Variants in ZNF485 observed in about 807,000 individuals in gnomAD.
The protein encoded by ZNF485 is zinc finger protein 485, also known as Zinc finger protein 93 (Zinc finger protein HTF34).
A neutral mutation model predicts 10.8 loss-of-function variants in ZNF485; 9 were observed. That is an observed-to-expected ratio of 0.83 (90% CI 0.50 to 1.45). The LOEUF (loss-of-function observed/expected upper bound fraction) is 1.45, where lower values mean the gene tolerates loss of function less well. Ranked by LOEUF, ZNF485 falls within the 40% of genes most tolerant of loss-of-function variation. The pLI, the probability that ZNF485 is intolerant of heterozygous loss-of-function variation, is 0.00. For missense variants in ZNF485, 487 were observed against 528.0 expected (o/e 0.92, Z 0.76); for synonymous variants, 187 against 181.0 (o/e 1.03, Z -0.27).
Position 43,616,442 on chromosome 10 carries a change from G to T in ZNF485, c.399G>T (p.Lys133Asn), listed in dbSNP as rs1159853616. 2 of 1,614,146 alleles carry T rather than the reference G, an allele frequency of 1.2e-6. No homozygotes were observed. The highest frequency in any genetic ancestry group is 2.2e-5 in the South Asian group (2 of 91,074). ...CCACAGAGAAGAACTATAAGTGCAA[G>T]GAATGTGGGAAAGTCTTCAAATACA... is the stretch of plus-strand genomic sequence containing the variant. ...RSSTEKNYKC[K>N]ECGKVFKYNS... is the part of the protein sequence containing the mutation. Residue 133 changes from lysine to asparagine, a missense_variant, in exon 5 of 5, where the codon AAG (lysine) becomes AAT (asparagine). Physicochemically the swap from Lys to Asn is moderately conservative, Grantham distance 94. Coordinates refer to ENST00000361807, the MANE Select transcript of ZNF485 (RefSeq NM_145312.4).
intron 3 of ZNF485, 38 bp from the exon 4 acceptor site, chr10:43,609,217 T>G: frequency 6.6e-7 from 1 of 1,520,812 alleles, no homozygotes; most frequent in South Asian, 1.1e-5. Context: ...CATTCATTTT[T>G]TTTTTCTTCC....
chr10:43,609,189 C>T (rs926834230), intron 3 of ZNF485, 66 bp from the exon 4 acceptor site: 14 of 1,246,952 alleles, frequency 1.1e-5, no homozygotes, highest in East Asian at 7.2e-5. Context: ...TGCTTGTAAC[C>T]GCCATCACAT....
At chr10:43,607,338 A>G (rs909022356) in intron 2 of ZNF485, 6 of 589,172 alleles carry the variant, frequency 1.0e-5, no homozygotes, top group African/African-American at 7.5e-5. Flanking sequence ...GTTAGCATGT[A>G]AAGACGTAGG....
At chr10:43,607,247 A>G in intron 2 of ZNF485, 173 bp downstream of exon 2, 1 of 713,108 alleles carries the variant, frequency 1.4e-6, no homozygotes, top group Non-Finnish European at 2.4e-6. Flanking sequence ...TTCACCAAGT[A>G]GATTATTGCT....
chr10:43,617,257 C>T lies in ZNF485; in HGVS notation c.1214C>T (p.Thr405Ile). The change falls in exon 5 of 5, where the codon ACT becomes ATT. Residue 405 changes from threonine (T) to isoleucine (I), a missense_variant. Coordinates refer to ENST00000361807, the MANE Select transcript of ZNF485 (RefSeq NM_145312.4). ...SGLVEHQRLH[T>I]GEKPYKCNEC... ...CTTGTTGAACATCAGAGACTCCATACTGGGGAAAAACCTTATAAATGTAAT... is the reference window on the plus strand; with the variant it reads ...CTTGTTGAACATCAGAGACTCCATATTGGGGAAAAACCTTATAAATGTAAT... The T allele has an allele frequency of 6.2e-7, 1 of 1,613,996 alleles. No individual in the cohort carries two copies. The highest frequency in any genetic ancestry group is 8.5e-7 in the Non-Finnish European group (1 of 1,179,968).
At position 43,616,400 on chromosome 10, in the gene ZNF485, C is replaced by CT. The variant is rs1263985922; in HGVS notation, c.358dup (p.Trp120LeufsTer12). 1.2e-6 allele frequency: 2 copies of CT among 1,614,128 alleles called. No individual in the cohort carries two copies. On this transcript the variant is annotated frameshift_variant, in exon 5 of 5. Transcript: ENST00000361807. LOFTEE classifies it low-confidence loss of function (END_TRUNC). ...GTGTCATGATGGAAAAAGGCCTGGACTGGGAGGGCAGAAGCTCCACAGAGA... is the reference window on the plus strand; with the variant it reads ...GTGTCATGATGGAAAAAGGCCTGGACTTGGGAGGGCAGAAGCTCCACAGAGA...
In ZNF485 at chr10:43,616,514, A is replaced by C. The variant is rs760855669; in HGVS notation, c.471A>C (p.Pro157=). 6.2e-7 allele frequency: 1 copy of C among 1,614,190 alleles called. No individual in the cohort carries two copies. The highest frequency in any genetic ancestry group is 1.1e-5 in the South Asian group (1 of 91,076). ...AGAGAAATCACACCAGTGAGAAACC[A>C]CATAAATGTAAAGAATGTGGGATCG... ...SHQRNHTSEK[P]HKCKECGIAF... Residue 157 remains proline (P), a synonymous_variant, in exon 5 of 5, where the codon CCA becomes CCC. Coordinates refer to ENST00000361807, the MANE Select transcript of ZNF485 (RefSeq NM_145312.4).
intron 4 of ZNF485, among the ~76,000 whole-genome samples, chr10:43,616,069 A>G (rs978184848): frequency 1.3e-5 from 2 of 152,184 alleles, no homozygotes; most frequent in Non-Finnish European, 2.9e-5. Context: ...CTTTAAATGC[A>G]ATGTTTATAG....
Position 43,616,583 on chromosome 10 carries a change from T to G in ZNF485, c.540T>G (p.His180Gln). The G allele has an allele frequency of 1.9e-6, 3 of 1,614,258 alleles. No individual in the cohort carries two copies. The highest frequency in any genetic ancestry group is 2.5e-6 in the Non-Finnish European group (3 of 1,180,050). Residue 180 changes from histidine (H) to glutamine (Q), a missense_variant, in exon 5 of 5, where the codon CAT becomes CAG. His to Gln is a conservative substitution (Grantham distance 24, BLOSUM62 0). Coordinates refer to ENST00000361807, the MANE Select transcript of ZNF485 (RefSeq NM_145312.4). ...CCCTTTTAAATCACCATAAGGTTCA[T>G]GCAGGCAAACAGCCTTATAGATGTA... ...SSSLLNHHKV[H>Q]AGKQPYRCIE...
rs1478797248 is a variant in ZNF485, at chr10:43,616,171, A to G, written c.248-120A>G. ...TCAGCAAGAATCACAAGTGGGACAC[A>G]TTAATAATTTTTCATAACCTTTAGT... is the stretch of plus-strand genomic sequence containing the variant. On this transcript the variant is annotated intron_variant, in intron 4 of 4. Coordinates refer to ENST00000361807, the MANE Select transcript of ZNF485 (RefSeq NM_145312.4). 58 of 749,164 alleles carry G rather than the reference A, an allele frequency of 7.7e-5. No homozygotes were observed. In the East Asian group the frequency reaches 1.5e-3, roughly 20 times the overall value. The allele number at this position is 749,164 out of a possible 1,614,324, so 46.4% of individuals were successfully genotyped here.
chr10:43,616,968 A>AT lies in ZNF485; in HGVS notation c.925_926insT (p.Lys309IlefsTer7), dbSNP rs768308452. On this transcript the variant is annotated frameshift_variant, in exon 5 of 5. Transcript: ENST00000361807. LOFTEE classifies it low-confidence loss of function (END_TRUNC). The stretch of plus-strand genomic sequence containing the variant: ...TAATGAATGTGGAAAAGCCTTTAGG[A>AT]AGAGCTCAACTCTTATTAGTCACCA... The AT allele has an allele frequency of 9.9e-6, 16 of 1,614,038 alleles. No individual in the cohort carries two copies. Among genetic ancestry groups the AT allele is most frequent in the Admixed American group, 1.7e-5 (1 of 60,012 alleles).
Position 43,617,775 on chromosome 10 carries a change from A to C in ZNF485, c.*406A>C, listed in dbSNP as rs924105559. On this transcript the variant is annotated 3_prime_UTR_variant, in exon 5 of 5. Transcript: ENST00000361807. ...TAGCAAGACTCCATCTCTAAGTAAA[A>C]AAATACAACAGTAGAAATATACCCA... The C allele has an allele frequency of 6.2e-6, 1 of 161,534 alleles. No homozygotes were observed. The highest frequency in any genetic ancestry group is 1.4e-5 in the Non-Finnish European group (1 of 73,736). The allele number at this position is 161,534 out of a possible 1,614,324, so 10.0% of individuals were successfully genotyped here.
chr10:43,609,384 A>G, intron 4 of ZNF485, 34 bp downstream of exon 4: 1 of 1,556,786 alleles, frequency 6.4e-7, no homozygotes, highest in Non-Finnish European at 8.9e-7. Flanking sequence ...GCAGAAGCTG[A>G]GCACACGGAG....
At position 43,617,302 on chromosome 10, in the gene ZNF485, C is replaced by G. The variant is rs746480530; in HGVS notation, c.1259C>G (p.Pro420Arg). The G allele has an allele frequency of 6.2e-7, 1 of 1,603,176 alleles. No homozygotes were observed. The highest frequency in any genetic ancestry group is 1.1e-5 in the South Asian group (1 of 89,108). Reference sequence around the variant, plus strand: ...TGTAATGAATGTGGGAAAGCTTTTCCCCGAAGTTCAGCCCTTAAGCAACAT... The same window carrying G: ...TGTAATGAATGTGGGAAAGCTTTTCGCCGAAGTTCAGCCCTTAAGCAACAT... ...YKCNECGKAFPRSSALKQHKK... is the reference protein window; with the variant it reads ...YKCNECGKAFRRSSALKQHKK... The change falls in exon 5 of 5, where the codon CCC becomes CGC. Residue 420 changes from proline to arginine, a missense_variant. Pro to Arg is a moderately radical substitution (Grantham distance 103, BLOSUM62 -2). Coordinates refer to ENST00000361807, the MANE Select transcript of ZNF485 (RefSeq NM_145312.4).
chr10:43,609,268 C>A lies in ZNF485; in HGVS notation c.165C>A (p.Ser55=). 6.2e-7 allele frequency: 1 copy of A among 1,613,732 alleles called. No individual in the cohort carries two copies. Among genetic ancestry groups the A allele is most frequent in the Non-Finnish European group, 8.5e-7 (1 of 1,179,816 alleles). The change falls in exon 4 of 5, where the codon TCC becomes TCA. Residue 55 remains serine (S), a synonymous_variant. Transcript: ENST00000361807. ...GNLVSVGLLS[S]KPKLITQLEQ... ...CTTTATGAACAGGGCTTCTCTCTTCCAAACCAAAACTAATTACTCAGTTGG... is the reference window on the plus strand; with the variant it reads ...CTTTATGAACAGGGCTTCTCTCTTCAAAACCAAAACTAATTACTCAGTTGG...
In ZNF485 at chr10:43,616,311, A is replaced by G. The variant is rs764492289; in HGVS notation, c.268A>G (p.Thr90Ala). The change falls in exon 5 of 5, where the codon ACA (threonine) becomes GCA (alanine). Residue 90 changes from threonine to alanine, a missense_variant. Thr to Ala is a moderately conservative substitution (Grantham distance 58). Transcript: ENST00000361807. Reference sequence around the variant, plus strand: ...TTCAGTCGAGGATTACTGGTTTGAAACAAAGATGTCAGCCCTAAAGCAAAG... The same window carrying G: ...TTCAGTCGAGGATTACTGGTTTGAAGCAAAGATGTCAGCCCTAAAGCAAAG... ...THAVEDYWFETKMSALKQSTS... is the reference protein window; with the variant it reads ...THAVEDYWFEAKMSALKQSTS... 4 of 1,568,602 alleles carry G rather than the reference A, an allele frequency of 2.6e-6. No individual in the cohort carries two copies. The South Asian group carries it at 3.5e-5, about 14-fold the overall frequency.
At chr10:43,611,587 C>T (rs1008752494) in intron 4 of ZNF485, among the ~76,000 whole-genome samples, 54 of 152,104 alleles carry the variant, frequency 3.6e-4, no homozygotes, top group Middle Eastern at 3.4e-3. Flanking sequence ...TGGGTATTTC[C>T]GCTATTCATA....
chr10:43,615,684 G>T (rs1323417343), intron 4 of ZNF485, among the ~76,000 whole-genome samples: 4 of 152,202 alleles, frequency 2.6e-5, no homozygotes, highest in Admixed American at 2.0e-4. Context: ...TTACAGGCAT[G>T]AGCCACCGTG....
At chr10:43,611,998 G>A (rs966197328) in intron 4 of ZNF485, among the ~76,000 whole-genome samples, 1 of 152,100 alleles carries the variant, frequency 6.6e-6, no homozygotes, top group Non-Finnish European at 1.5e-5. Context: ...TCTTTGCATT[G>A]TGTCTGGCCT....
Sources: allele counts gnomAD v4.1 joint callset (sites outside exome capture counted in the v4.1 genomes callset), GRCh38; gene constraint gnomAD v4.1.1; transcripts MANE v1.5; gene names NCBI Gene and HGNC (gene_info 2026-07-23, HGNC 2026-07-21).